Variants in FAM222B observed in about 807,000 individuals in gnomAD.
FAM222B encodes family with sequence similarity 222 member B.
Under a neutral mutation model 38.0 loss-of-function variants are expected in FAM222B, and 12 were observed. That is an observed-to-expected ratio of 0.32 (90% CI 0.20 to 0.51). The LOEUF is 0.51. Ranked by LOEUF, FAM222B falls within the 20% of genes least tolerant of loss-of-function variation. The pLI is 0.97. For synonymous variants in FAM222B, 329 were observed against 317.2 expected (o/e 1.04, Z -0.40); for missense variants, 716 against 754.2 (o/e 0.95, Z 0.59).
At chr17:28,764,216 G>A (rs1424872298) in intron 2 of FAM222B, among the ~76,000 whole-genome samples, 1 of 136,084 alleles carries the variant, frequency 7.3e-6, no homozygotes, top group Non-Finnish European at 1.5e-5. Context: ...AGGTTGCAGT[G>A]AACCGAGATT....
chr17:28,814,536 C>T (rs191606120), intron 1 of FAM222B, among the ~76,000 whole-genome samples: 110 of 152,214 alleles, frequency 7.2e-4, no homozygotes, highest in African/African-American at 2.6e-3. Flanking sequence ...GTGGTGTAAT[C>T]TTGACTCACT....
At position 28,789,778 on chromosome 17, in the gene FAM222B, C is replaced by T. The variant is rs1051204894; in HGVS notation, c.-40-23071G>A. Among the ~76,000 whole-genome samples the T allele has an allele frequency of 3.3e-5, 5 of 152,148 alleles. No homozygotes were observed. In the East Asian group the frequency reaches 9.6e-4, roughly 29 times the overall value. On this transcript the variant is annotated intron_variant, in intron 1 of 2. Transcript: ENST00000581407. ...AAAGTACTAGATGAGTCTAATATAT[C>T]TTATTGTGCAGGAAAGGAAGTGCTC...
chr17:28,853,941 CTTTT>C (rs34393247), intron 1 of FAM222B, among the ~76,000 whole-genome samples: 5 of 119,980 alleles, frequency 4.2e-5, no homozygotes, highest in Admixed American at 3.5e-4. Context: ...ATCTCTGTTT[CTTTT>C]TTTTTTTTTT....
intron 1 of FAM222B, among the ~76,000 whole-genome samples, chr17:28,819,688 G>A (rs1222718598): frequency 1.3e-5 from 2 of 152,232 alleles, no homozygotes; most frequent in Middle Eastern, 3.4e-3. Flanking sequence ...AATATAAAAT[G>A]AACCTTTGCC....
At chr17:28,765,829 C>T (rs1003930008) in intron 2 of FAM222B, among the ~76,000 whole-genome samples, 2 of 152,176 alleles carry the variant, frequency 1.3e-5, no homozygotes, top group Non-Finnish European at 2.9e-5. Flanking sequence ...TCCATCTCTT[C>T]TGAGGGCAAA....
chr17:28,768,693 G>A (rs961333332), intron 1 of FAM222B, among the ~76,000 whole-genome samples: 3 of 151,880 alleles, frequency 2.0e-5, no homozygotes, highest in Non-Finnish European at 4.4e-5. Context: ...AAAATTAGCT[G>A]GGCATGGTGG....
At chr17:28,767,769 C>A (rs1176627540) in intron 1 of FAM222B, among the ~76,000 whole-genome samples, 2 of 152,198 alleles carry the variant, frequency 1.3e-5, no homozygotes, top group South Asian at 2.1e-4. Context: ...AGCCACCGCA[C>A]CCGGCCGAAC....
intron 1 of FAM222B, among the ~76,000 whole-genome samples, chr17:28,831,902 A>C (rs1308727824): frequency 6.6e-6 from 1 of 152,092 alleles, no homozygotes; most frequent in Non-Finnish European, 1.5e-5. Flanking sequence ...GAAAAAAACA[A>C]TGCTGGGCCG....
rs114607764 is a variant in FAM222B at position 28,820,438 on chromosome 17, G to A, written c.-41+22244C>T. Among the ~76,000 whole-genome samples the A allele has an allele frequency of 4.9e-3, 751 of 152,260 alleles. 11 individuals are homozygous for A. The highest frequency in any genetic ancestry group is 0.025 in the Admixed American group (385 of 15,276). On this transcript the variant is annotated intron_variant, in intron 1 of 2. Transcript: ENST00000581407. The stretch of plus-strand genomic sequence containing the variant: ...CAATCACCTAATCCTGCATTAAAAT[G>A]TCTTTAAGGTGTTACCTATAGCAAG...
At chr17:28,809,789 C>G (rs2037661172) in intron 1 of FAM222B, among the ~76,000 whole-genome samples, 2 of 152,024 alleles carry the variant, frequency 1.3e-5, no homozygotes, top group Non-Finnish European at 2.9e-5. Context: ...ACCTGGGCAA[C>G]AGAGCCAGAC....
At chr17:28,836,661 A>G (rs978740252) in intron 1 of FAM222B, among the ~76,000 whole-genome samples, 1 of 152,172 alleles carries the variant, frequency 6.6e-6, no homozygotes, top group Admixed American at 6.6e-5. Context: ...GGAACGGAAC[A>G]GAACAGGATG....
chr17:28,786,183 G>A (rs1434256258), intron 1 of FAM222B, among the ~76,000 whole-genome samples: 2 of 151,882 alleles, frequency 1.3e-5, no homozygotes, highest in African/African-American at 4.8e-5. Context: ...ACTTCCTAAT[G>A]AATTGGAGGA....
At chr17:28,806,594 TCAAAA>T (rs1368622070) in intron 1 of FAM222B, among the ~76,000 whole-genome samples, 1 of 152,218 alleles carries the variant, frequency 6.6e-6, no homozygotes, top group Non-Finnish European at 1.5e-5. Flanking sequence ...GCACCCTGTC[TCAAAA>T]CAAAACAAAA....
At chr17:28,791,707 G>T (rs2036696062) in intron 1 of FAM222B, among the ~76,000 whole-genome samples, 1 of 133,428 alleles carries the variant, frequency 7.5e-6, no homozygotes, top group African/African-American at 2.9e-5. Context: ...TTGAGACAGA[G>T]TCTAGGCTGG....
At chr17:28,809,985 G>GA (rs2037673499) in intron 1 of FAM222B, among the ~76,000 whole-genome samples, 1 of 150,602 alleles carries the variant, frequency 6.6e-6, no homozygotes, top group Non-Finnish European at 1.5e-5. Flanking sequence ...CCTCCAACTG[G>GA]TTTTTTTTTG....
At chr17:28,813,338 C>G (rs1428036149) in intron 1 of FAM222B, among the ~76,000 whole-genome samples, 4 of 152,158 alleles carry the variant, frequency 2.6e-5, no homozygotes, top group Admixed American at 2.6e-4. Context: ...GGGGAACATA[C>G]TCTCAGCAAC....
intron 1 of FAM222B, among the ~76,000 whole-genome samples, chr17:28,768,870 C>T (rs1055563408): frequency 1.4e-5 from 2 of 144,962 alleles, no homozygotes; most frequent in Admixed American, 6.9e-5. Context: ...AGAGAGACTT[C>T]TGTTGGGGTC....
intron 1 of FAM222B, among the ~76,000 whole-genome samples, chr17:28,801,473 AAAG>A (rs2037226407): frequency 1.3e-5 from 2 of 151,780 alleles, no homozygotes; most frequent in Admixed American, 6.6e-5. Flanking sequence ...AAAAAAAAGA[AAAG>A]AAAAAGTTCT....
intron 1 of FAM222B, among the ~76,000 whole-genome samples, chr17:28,791,386 T>A (rs1440384381): frequency 6.6e-6 from 1 of 152,076 alleles, no homozygotes; most frequent in East Asian, 1.9e-4. Flanking sequence ...GTTTCCTGTA[T>A]CTTTCTGCCT....
Sources: allele counts gnomAD v4.1 joint callset (sites outside exome capture counted in the v4.1 genomes callset), GRCh38; gene constraint gnomAD v4.1.1; transcripts MANE v1.5; gene names NCBI Gene and HGNC (gene_info 2026-07-23, HGNC 2026-07-21).